SGCZ: variants seen among roughly 807,000 people sequenced by gnomAD.
SGCZ encodes the protein sarcoglycan zeta.
Under a neutral mutation model 41.3 loss-of-function variants are expected in SGCZ, and 40 were observed. The observed-to-expected ratio is 0.97, with a 90% confidence interval of 0.75 to 1.26. The LOEUF (loss-of-function observed/expected upper bound fraction) is 1.26, where lower values mean the gene tolerates loss of function less well. SGCZ is among the 50% of genes most tolerant of loss of function. The pLI, the probability that SGCZ is intolerant of heterozygous loss-of-function variation, is 0.00. For missense variants in SGCZ, 552 were observed against 369.8 expected (o/e 1.49, Z -4.04); for synonymous variants, 206 against 137.5 (o/e 1.50, Z -3.49).
intron 2 of SGCZ, among the ~76,000 whole-genome samples, chr8:14,520,750 A>C (rs1002532579): frequency 6.6e-6 from 1 of 152,146 alleles, no homozygotes; most frequent in Non-Finnish European, 1.5e-5. Context: ...GCAAAATCTG[A>C]CATTCAAAAG....
At chr8:15,196,273 G>A (rs1800729635) in intron 1 of SGCZ, among the ~76,000 whole-genome samples, 2 of 152,146 alleles carry the variant, frequency 1.3e-5, no homozygotes, top group South Asian at 2.1e-4. Context: ...TAAATACAAA[G>A]ATGTAGTTCT....
chr8:15,090,416 C>T (rs911867390), intron 1 of SGCZ, among the ~76,000 whole-genome samples: 20 of 152,186 alleles, frequency 1.3e-4, no homozygotes, highest in African/African-American at 4.3e-4. Context: ...TCTGGCAACA[C>T]CCCTGGGTGT....
At chr8:14,118,314 A>G (rs991364480) in intron 5 of SGCZ, among the ~76,000 whole-genome samples, 3 of 152,190 alleles carry the variant, frequency 2.0e-5, no homozygotes, top group Admixed American at 2.0e-4. Context: ...CATTTCTCTA[A>G]TGACCAGTGA....
chr8:14,893,137 T>A (rs556019986), intron 1 of SGCZ, among the ~76,000 whole-genome samples: 1 of 152,152 alleles, frequency 6.6e-6, no homozygotes, highest in South Asian at 2.1e-4. Context: ...CCCCATCCAA[T>A]CACATGGGTC....
chr8:14,503,036 C>T (rs1473738539), intron 2 of SGCZ, among the ~76,000 whole-genome samples: 1 of 152,054 alleles, frequency 6.6e-6, no homozygotes, highest in African/African-American at 2.4e-5. Context: ...CAAAGACTTG[C>T]AACTCACCCA....
At chr8:14,384,583 A>T (rs914647549) in intron 2 of SGCZ, among the ~76,000 whole-genome samples, 7 of 152,188 alleles carry the variant, frequency 4.6e-5, no homozygotes, top group Non-Finnish European at 7.4e-5. Context: ...TTCTTGAGAC[A>T]AAGTCTCACT....
chr8:15,202,879 G>C (rs2117138294), intron 1 of SGCZ, among the ~76,000 whole-genome samples: 1 of 152,218 alleles, frequency 6.6e-6, no homozygotes, highest in Admixed American at 6.5e-5. Flanking sequence ...GGGAATCCAA[G>C]GAAGGCAGAT....
chr8:14,878,198 CTTT>C (rs540663370), intron 1 of SGCZ, among the ~76,000 whole-genome samples: 1 of 141,808 alleles, frequency 7.1e-6, no homozygotes, highest in Non-Finnish European at 1.5e-5. Context: ...TTCTTTTTTT[CTTT>C]TTTTTTTTTT....
At chr8:14,973,316 G>A (rs182062065) in intron 1 of SGCZ, among the ~76,000 whole-genome samples, 21 of 152,262 alleles carry the variant, frequency 1.4e-4, no homozygotes, top group Admixed American at 1.2e-3. Flanking sequence ...TGTAGGCACT[G>A]TGCTGGAATT....
chr8:14,116,568 A>G (rs561285219), intron 5 of SGCZ, among the ~76,000 whole-genome samples: 5 of 152,244 alleles, frequency 3.3e-5, no homozygotes, highest in East Asian at 3.9e-4. Flanking sequence ...TACGACATGC[A>G]TAGAGTCCAA....
chr8:14,714,198 A>T (rs577012609), intron 1 of SGCZ, among the ~76,000 whole-genome samples: 2 of 152,004 alleles, frequency 1.3e-5, no homozygotes, highest in South Asian at 4.1e-4. Context: ...CGAACTCCTG[A>T]CCTCCTGATC....
chr8:14,423,032 A>G (rs1200613176), intron 2 of SGCZ, among the ~76,000 whole-genome samples: 1 of 152,126 alleles, frequency 6.6e-6, no homozygotes, highest in East Asian at 1.9e-4. Context: ...TGTATTAAAA[A>G]CAAAACAAAA....
At chr8:14,453,124 A>G (rs1035472754) in intron 2 of SGCZ, among the ~76,000 whole-genome samples, 9 of 152,044 alleles carry the variant, frequency 5.9e-5, no homozygotes, top group African/African-American at 2.2e-4. Flanking sequence ...TAATAATAAT[A>G]ATGATTCTCA....
intron 3 of SGCZ, among the ~76,000 whole-genome samples, chr8:14,263,208 T>C (rs1300367607): frequency 1.3e-5 from 2 of 152,170 alleles, no homozygotes; most frequent in African/African-American, 4.8e-5. Flanking sequence ...TAGTAGTTTA[T>C]GAGAGGTTAA....
intron 1 of SGCZ, among the ~76,000 whole-genome samples, chr8:14,706,068 C>T (rs1809323229): frequency 6.6e-6 from 1 of 151,860 alleles, no homozygotes; most frequent in African/African-American, 2.4e-5. Context: ...ACCATGACTC[C>T]TTGCTGAAGA....
chr8:15,232,773 A>ATATACATATATATGTGTG (rs1801992025), intron 1 of SGCZ, among the ~76,000 whole-genome samples: 1 of 132,608 alleles, frequency 7.5e-6, no homozygotes, highest in African/African-American at 2.7e-5. Flanking sequence ...GTGTGTATAT[A>ATATACATATATATGTGTG]TATACATATA....
intron 1 of SGCZ, among the ~76,000 whole-genome samples, chr8:15,192,623 A>C (rs776390475): frequency 2.0e-5 from 3 of 152,130 alleles, no homozygotes; most frequent in Admixed American, 6.5e-5. Context: ...GTTTACTGGC[A>C]TCAATGCCAA....
chr8:14,187,798 A>G (rs917127366), intron 4 of SGCZ, among the ~76,000 whole-genome samples: 1 of 152,164 alleles, frequency 6.6e-6, no homozygotes, highest in Non-Finnish European at 1.5e-5. Flanking sequence ...AAAATTCCTT[A>G]AAGTTTATTG....
intron 6 of SGCZ, among the ~76,000 whole-genome samples, chr8:14,106,034 G>A (rs756144947): frequency 6.6e-6 from 1 of 152,120 alleles, no homozygotes; most frequent in Non-Finnish European, 1.5e-5. Flanking sequence ...TGGAATCAAT[G>A]CTCTTCACAT....
Sources: allele counts gnomAD v4.1 joint callset (sites outside exome capture counted in the v4.1 genomes callset), GRCh38; gene constraint gnomAD v4.1.1; transcripts MANE v1.5; gene names NCBI Gene and HGNC (gene_info 2026-07-23, HGNC 2026-07-21).